EPHB1: variants seen among roughly 807,000 people sequenced by gnomAD.
EPHB1 encodes the protein ephrin type-B receptor 1.
A neutral mutation model predicts 94.4 loss-of-function variants in EPHB1; 30 were observed. The ratio of observed to expected loss-of-function variants is 0.32; its 90% CI spans 0.24 to 0.43. The LOEUF is 0.43. EPHB1 is among the 20% of genes least tolerant of loss of function. The pLI is 1.00. For missense variants in EPHB1, 1,055 were observed against 1,308.3 expected, an observed-to-expected ratio of 0.81 and a Z score of 2.99; for synonymous variants, 522 against 489.1, an observed-to-expected ratio of 1.07 and a Z score of -0.89.
chr3:135,077,904 C>G (rs1938003113), intron 3 of EPHB1, among the ~76,000 whole-genome samples: 2 of 152,174 alleles, frequency 1.3e-5, no homozygotes, highest in African/African-American at 4.8e-5. Flanking sequence ...TATTTACTTC[C>G]ATGTATAAAC....
intron 12 of EPHB1, among the ~76,000 whole-genome samples, chr3:135,209,240 A>G (rs909505317): frequency 3.9e-5 from 6 of 152,238 alleles, no homozygotes; most frequent in African/African-American, 1.2e-4. Context: ...CAGATAAGAA[A>G]CATAAATGGA....
chr3:134,848,589 T>C lies in EPHB1; in HGVS notation c.58+52900T>C, dbSNP rs898631545. Among the ~76,000 whole-genome samples, 4 of 152,226 alleles carry C rather than the reference T, an allele frequency of 2.6e-5. No homozygotes were observed. In the East Asian group the frequency reaches 5.8e-4, roughly 22 times the overall value. On this transcript the variant is annotated intron_variant, in intron 1 of 15. Transcript: ENST00000398015. The stretch of plus-strand genomic sequence containing the variant: ...ATTCATCGCAAGCATTAGATTAATA[T>C]TGACAATTTAAAATAGAAATAACTT...
chr3:134,909,516 A>G (rs996931922), intron 1 of EPHB1, among the ~76,000 whole-genome samples: 1 of 152,230 alleles, frequency 6.6e-6, no homozygotes, highest in African/African-American at 2.4e-5. Flanking sequence ...CTTAGGGCCC[A>G]TCTTCCACTG....
chr3:134,853,257 C>T (rs985916705), intron 1 of EPHB1, among the ~76,000 whole-genome samples: 17 of 152,192 alleles, frequency 1.1e-4, no homozygotes, highest in African/African-American at 2.4e-4. Context: ...GCTGCTGCCC[C>T]GGTGTGGCTC....
At chr3:135,101,732 A>G (rs1357397470) in intron 3 of EPHB1, among the ~76,000 whole-genome samples, 1 of 152,224 alleles carries the variant, frequency 6.6e-6, no homozygotes, top group African/African-American at 2.4e-5. Flanking sequence ...ATGAGAAAGT[A>G]TAGCATAAGT....
In EPHB1 at chr3:135,259,060, C is replaced by A; in HGVS notation, c.2895C>A (p.Ile965=). ...GITLAGHQKK[I]LNSIHSMRVQ... is the part of the protein sequence containing the mutation. ...CCTTGGCAGGCCATCAGAAGAAGAT[C>A]CTGAACAGCATTCATTCTATGAGGG... Residue 965 remains isoleucine (I), a synonymous_variant, in exon 16 of 16, where the codon ATC becomes ATA. Transcript: ENST00000398015. The A allele has an allele frequency of 4.3e-6, 7 of 1,610,924 alleles. No individual in the cohort carries two copies. Among genetic ancestry groups the A allele is most frequent in the Non-Finnish European group, 5.9e-6 (7 of 1,178,734 alleles).
At chr3:135,049,417 C>G (rs1433257548) in intron 3 of EPHB1, among the ~76,000 whole-genome samples, 1 of 152,192 alleles carries the variant, frequency 6.6e-6, no homozygotes, top group Non-Finnish European at 1.5e-5. Flanking sequence ...TCTTCACTCA[C>G]AGATCTGATG....
chr3:134,937,475 CTT>C (rs1207077716), intron 2 of EPHB1, among the ~76,000 whole-genome samples: 1 of 152,252 alleles, frequency 6.6e-6, no homozygotes, highest in African/African-American at 2.4e-5. Context: ...GGCTGGCTCT[CTT>C]GTTTCCAAGA....
intron 6 of EPHB1, among the ~76,000 whole-genome samples, chr3:135,155,862 C>T (rs1435860563): frequency 6.7e-6 from 1 of 148,966 alleles, no homozygotes; most frequent in African/African-American, 2.5e-5. Context: ...GGTTGAGGAG[C>T]GGAGGAGGGA....
intron 3 of EPHB1, among the ~76,000 whole-genome samples, chr3:134,981,749 C>T (rs966059673): frequency 6.6e-6 from 1 of 152,138 alleles, no homozygotes; most frequent in African/African-American, 2.4e-5. Context: ...AGGTGCCAAG[C>T]ATATGGAGAT....
intron 3 of EPHB1, among the ~76,000 whole-genome samples, chr3:135,004,502 G>C (rs1385374919): frequency 6.6e-6 from 1 of 152,036 alleles, no homozygotes; most frequent in African/African-American, 2.4e-5. Flanking sequence ...CTGAACGTTG[G>C]CCTGCCTTGC....
intron 3 of EPHB1, among the ~76,000 whole-genome samples, chr3:135,051,449 T>C (rs559643654): frequency 2.4e-4 from 36 of 152,306 alleles, no homozygotes; most frequent in African/African-American, 8.7e-4. Flanking sequence ...TTCCTATCAC[T>C]CTATTAATAA....
intron 12 of EPHB1, among the ~76,000 whole-genome samples, chr3:135,216,359 A>C (rs1012989758): frequency 5.9e-5 from 9 of 151,860 alleles, no homozygotes; most frequent in Admixed American, 1.3e-4. Flanking sequence ...AAAAGCAAAA[A>C]CCTATCAAAT....
At chr3:134,865,825 G>C (rs1157037525) in intron 1 of EPHB1, among the ~76,000 whole-genome samples, 1 of 152,082 alleles carries the variant, frequency 6.6e-6, no homozygotes, top group Non-Finnish European at 1.5e-5. Context: ...GTATGTATTA[G>C]GTTCAACCAT....
chr3:135,167,068 T>C (rs531554087), intron 9 of EPHB1, 62 bp downstream of exon 9: 1 of 1,566,810 alleles, frequency 6.4e-7, no homozygotes, highest in African/African-American at 1.3e-5. Flanking sequence ...AGTGGGCTAG[T>C]GCTCAGAGCT....
chr3:135,014,836 A>C (rs868768982), intron 3 of EPHB1, among the ~76,000 whole-genome samples: 23 of 152,226 alleles, frequency 1.5e-4, no homozygotes, highest in Middle Eastern at 3.2e-3. Context: ...GCTTTCATGC[A>C]GGCATAAATC....
chr3:134,968,869 A>G (rs1559776315), intron 3 of EPHB1, among the ~76,000 whole-genome samples: 1 of 152,224 alleles, frequency 6.6e-6, no homozygotes, highest in Non-Finnish European at 1.5e-5. Context: ...ATTCATCTCA[A>G]TTGTATCATG....
At chr3:135,250,113 G>GA (rs1007315497) in intron 15 of EPHB1, among the ~76,000 whole-genome samples, 3 of 152,062 alleles carry the variant, frequency 2.0e-5, no homozygotes, top group Admixed American at 6.5e-5. Flanking sequence ...GTTCTCCTTG[G>GA]AAAAAAGGTC....
intron 3 of EPHB1, among the ~76,000 whole-genome samples, chr3:135,087,875 C>T (rs1938416462): frequency 6.6e-6 from 1 of 152,122 alleles, no homozygotes. Flanking sequence ...TCATTTTTCT[C>T]TGTGCACCAG....
Sources: gnomAD v4.1 joint callset for allele counts (sites outside exome capture counted in the v4.1 genomes callset) on GRCh38, gnomAD v4.1.1 for gene constraint, MANE v1.5 for transcripts, NCBI Gene and HGNC (gene_info 2026-07-23, HGNC 2026-07-21) for gene names.